KANK2: variants seen among roughly 807,000 people sequenced by gnomAD.
The protein encoded by KANK2 is KN motif and ankyrin repeat domain-containing protein 2.
A neutral mutation model predicts 74.6 loss-of-function variants in KANK2; 41 were observed. The observed-to-expected ratio is 0.55, with a 90% CI of 0.43 to 0.71. KANK2 has a LOEUF of 0.71. Ranked by LOEUF, KANK2 falls within the 30% of genes least tolerant of loss-of-function variation. The probability of loss-of-function intolerance (pLI) is 0.00; values close to 1 mark genes in which losing one functional copy is unlikely to be tolerated. For synonymous variants in KANK2, 537 were observed against 519.0 expected (o/e 1.03, Z -0.47); for missense variants, 1,148 against 1,196.4 (o/e 0.96, Z 0.60).
chr19:11,191,801 T>G (rs2078854869), intron 4 of KANK2, among the ~76,000 whole-genome samples: 1 of 152,192 alleles, frequency 6.6e-6, no homozygotes, highest in Admixed American at 6.5e-5. Flanking sequence ...CTCATGCTTG[T>G]AATCCCAGCA....
At chr19:11,194,920 C>T (rs990874587) in intron 2 of KANK2, 8 of 177,064 alleles carry the variant, frequency 4.5e-5, no homozygotes, top group Non-Finnish European at 7.4e-5. Context: ...TGCACCCCCT[C>T]CCCTCAGCCC....
intron 4 of KANK2, chr19:11,192,585 G>A (rs1019117379): frequency 9.3e-5 from 41 of 440,400 alleles, no homozygotes; most frequent in Non-Finnish European, 1.5e-4. Context: ...ACAGGCGCAC[G>A]CCACCACACC....
chr19:11,179,297 C>A (rs1321030547), intron 4 of KANK2, among the ~76,000 whole-genome samples: 2 of 139,860 alleles, frequency 1.4e-5, no homozygotes. Flanking sequence ...GCCTGGGCAA[C>A]AGAGCAAGAC....
intron 12 of KANK2, among the ~76,000 whole-genome samples, chr19:11,166,880 C>T (rs1270964292): frequency 1.3e-5 from 2 of 152,108 alleles, no homozygotes; most frequent in Non-Finnish European, 2.9e-5. Context: ...CTGTGAACGG[C>T]ATCAAGGAGC....
In KANK2 at chr19:11,165,093, AT is replaced by A. The variant is rs2077995128; in HGVS notation, c.*1464del. On this transcript the variant is annotated 3_prime_UTR_variant, in exon 13 of 13. Coordinates refer to ENST00000586659, the MANE Select transcript of KANK2 (RefSeq NM_001136191.3). ...AGGAAAAGGCACAAGAAAGACAATG[AT>A]GTGGAGATTCTTAGGGGACCAAAAC... The A allele has an allele frequency of 6.6e-6, 1 of 151,842 alleles. No individual in the cohort carries two copies. Among genetic ancestry groups the A allele is most frequent in the East Asian group, 1.9e-4 (1 of 5,182 alleles). 9.4% of individuals were successfully genotyped at this position (151,842 alleles called of 1,614,324 possible). A position where few individuals can be genotyped will look rare whatever the true frequency, so the allele number is the denominator to read the frequency against.
chr19:11,178,570 T>A lies in KANK2; in HGVS notation c.1400A>T (p.Glu467Val). The change falls in exon 5 of 13, where the codon GAG becomes GTG. Residue 467 changes from glutamate to valine, a missense_variant. Coordinates refer to ENST00000586659, the MANE Select transcript of KANK2 (RefSeq NM_001136191.3). ...CCACTTACCGGTGCCCCCGGCCTCCTCGGACTCTTGGGAGGCTGCTTGCCT... is the reference window on the plus strand; with the variant it reads ...CCACTTACCGGTGCCCCCGGCCTCCACGGACTCTTGGGAGGCTGCTTGCCT... ...PTRQAASQES[E>V]EAGGTGGPPA... The A allele has an allele frequency of 6.2e-7, 1 of 1,604,410 alleles. No homozygotes were observed. Among genetic ancestry groups the A allele is most frequent in the South Asian group, 1.1e-5 (1 of 89,894 alleles).
In KANK2 at chr19:11,176,693, G is replaced by T; in HGVS notation, c.1645C>A (p.Pro549Thr). ...PSVAEAPQLR[P>T]AGTAAAKTSR... is the part of the protein sequence containing the mutation. ...GTCTTGGCCGCTGCCGTCCCTGCAG[G>T]CCTGAGCTGGGGGGCTTCGGCCACA... The change falls in exon 7 of 13, where the codon CCT becomes ACT. Residue 549 changes from proline (P) to threonine (T), a missense_variant. By Grantham distance (38) the Pro-to-Thr change is conservative (BLOSUM62 -1). Coordinates refer to ENST00000586659, the MANE Select transcript of KANK2 (RefSeq NM_001136191.3). The T allele has an allele frequency of 6.2e-7, 1 of 1,613,374 alleles. No homozygotes were observed. Among genetic ancestry groups the T allele is most frequent in the Non-Finnish European group, 8.5e-7 (1 of 1,179,778 alleles).
At position 11,175,849 on chromosome 19, in the gene KANK2, G is replaced by T. The variant is rs113491499; in HGVS notation, c.1848+53C>A. 4,301 of 1,347,998 alleles carry T rather than the reference G, an allele frequency of 3.2e-3. 105 individuals are homozygous for T. The African/African-American group carries it at 0.052, about 16-fold the overall frequency. The allele number at this position is 1,347,998 out of a possible 1,614,324, so 83.5% of individuals were successfully genotyped here. ...AGGATGAGGAGAGGCCACGGGTGGG[G>T]TGGAGGTAGGGGTCCGGGGGGTGGC... On this transcript the variant is annotated intron_variant, in intron 8 of 12. Transcript: ENST00000586659.
At chr19:11,166,929 C>CACGTGCAAA (rs1215662506) in intron 12 of KANK2, among the ~76,000 whole-genome samples, 4 of 152,092 alleles carry the variant, frequency 2.6e-5, no homozygotes, top group Non-Finnish European at 5.9e-5. Context: ...GCGGAAACAG[C>CACGTGCAAA]ACGTGCAAAG....
intron 4 of KANK2, among the ~76,000 whole-genome samples, chr19:11,186,925 G>A (rs571453537): frequency 2.9e-4 from 44 of 152,182 alleles, no homozygotes; most frequent in African/African-American, 9.9e-4. Context: ...CGTGGTGGCC[G>A]GAAATTAGAA....
At chr19:11,176,472 G>T in intron 7 of KANK2, 106 bp downstream of exon 7, 1 of 1,286,070 alleles carries the variant, frequency 7.8e-7, no homozygotes, top group Non-Finnish European at 1.1e-6. Context: ...ACTAAAGTGT[G>T]CATGACTGAT....
At chr19:11,169,199 A>G (rs1436465081) in intron 12 of KANK2, among the ~76,000 whole-genome samples, 1 of 152,106 alleles carries the variant, frequency 6.6e-6, no homozygotes, top group Non-Finnish European at 1.5e-5. Context: ...TTAGCCGGGC[A>G]TGGTGGTGTG....
At chr19:11,187,221 C>T (rs920985682) in intron 4 of KANK2, among the ~76,000 whole-genome samples, 1 of 152,006 alleles carries the variant, frequency 6.6e-6, no homozygotes, top group African/African-American at 2.4e-5. Flanking sequence ...CACGCCACTG[C>T]ACTCCACCCT....
intron 4 of KANK2, among the ~76,000 whole-genome samples, chr19:11,185,839 G>C (rs1342239316): frequency 6.6e-6 from 1 of 151,926 alleles, no homozygotes; most frequent in East Asian, 1.9e-4. Context: ...TGGAGTTCGA[G>C]ACCAACCTGA....
chr19:11,172,903 G>A (rs2078217233), intron 10 of KANK2, 78 bp downstream of exon 10: 2 of 1,518,232 alleles, frequency 1.3e-6, no homozygotes, highest in Non-Finnish European at 1.8e-6. Context: ...GACCACCTGG[G>A]TTTGGGCCTG....
intron 4 of KANK2, among the ~76,000 whole-genome samples, chr19:11,186,950 A>G (rs1452366187): frequency 1.3e-5 from 2 of 152,008 alleles, no homozygotes; most frequent in Non-Finnish European, 2.9e-5. Context: ...CCAGATACCT[A>G]CTGTGAAGGG....
rs919408946 is a variant in KANK2, at chr19:11,193,452, G to C, written c.628C>G (p.Pro210Ala). The change falls in exon 4 of 13, where the codon CCT becomes GCT. Residue 210 changes from proline to alanine, a missense_variant. Transcript: ENST00000586659. The surrounding 1 kb of genome is among the most constrained non-coding windows in gnomAD (Gnocchi z 9.6). Reference sequence around the variant, plus strand: ...ACCGAGAGCTTCACCTGGAGCACAGGGATCAGCTTCACCTGCTCCTCCAGC... The same window carrying C: ...ACCGAGAGCTTCACCTGGAGCACAGCGATCAGCTTCACCTGCTCCTCCAGC... ...RQLEEQVKLI[P>A]VLQVKLSVLQ... 1 of 1,612,180 alleles carries C rather than the reference G, an allele frequency of 6.2e-7. No individual in the cohort carries two copies. The highest frequency in any genetic ancestry group is 2.2e-5 in the East Asian group (1 of 44,874).
chr19:11,174,188 ATCTCCTCCATCAGACTGGGAGG>A (rs1459146690), intron 9 of KANK2, among the ~76,000 whole-genome samples: 7 of 150,920 alleles, frequency 4.6e-5, no homozygotes, highest in Non-Finnish European at 5.9e-5. Context: ...GGAGGGCGGC[ATCTCCTCCATCAGACTGGGAGG>A]GCCATATACC....
In KANK2 at chr19:11,193,248, T is replaced by C. The variant is rs149884897; in HGVS notation, c.832A>G (p.Met278Val). ...GCGAGGGCAGCCTCCCCATCAGGCA[T>C]GCCCAAGTCCCGTTCTCGAACCCAG... Reference protein sequence around the residue: ...GTWVRERDLGMPDGEAALAAK... With the variant: ...GTWVRERDLGVPDGEAALAAK... Residue 278 changes from methionine to valine, a missense_variant, in exon 4 of 13, where the codon ATG (methionine) becomes GTG (valine). Transcript: ENST00000586659. The surrounding 1 kb of genome is among the most constrained non-coding windows in gnomAD (Gnocchi z 9.6). 22 of 1,610,380 alleles carry C rather than the reference T, an allele frequency of 1.4e-5. No homozygotes were observed. The highest frequency in any genetic ancestry group is 3.3e-4 in the Middle Eastern group (2 of 6,062).
Sources: gnomAD v4.1 joint callset for allele counts (sites outside exome capture counted in the v4.1 genomes callset) on GRCh38, gnomAD v4.1.1 for gene constraint, Gnocchi (gnomAD v3.1) non-coding constraint, MANE v1.5 for transcripts, NCBI Gene and HGNC (gene_info 2026-07-23, HGNC 2026-07-21) for gene names.